The following PRKDC variants were observed in gnomAD, a reference collection of about 807,000 sequenced individuals.
The protein encoded by PRKDC is protein kinase, DNA-activated, catalytic subunit.
PRKDC carries 82 observed loss-of-function variants against 486.9 expected under a neutral mutation model. The observed-to-expected ratio is 0.17, with a 90% CI of 0.14 to 0.20. The LOEUF (loss-of-function observed/expected upper bound fraction) is 0.20. Among genes scored for constraint, PRKDC ranks in the 10% least tolerant of loss-of-function variants. The pLI is 1.00. For synonymous variants in PRKDC, 1,895 were observed against 1,837.0 expected, an observed-to-expected ratio of 1.03 and a Z score of -0.81; for missense variants, 4,504 against 5,038.2, an observed-to-expected ratio of 0.89 and a Z score of 3.21.
chr8:47,939,533 T>G lies in PRKDC; in HGVS notation c.1113+18A>C, dbSNP rs764838496. ...CACGTGAAACCAAGACAAAATAGAG[T>G]AAGTTAATGAGACATACTCCTGCAA... On this transcript the variant is annotated intron_variant, in intron 11 of 85. Coordinates refer to ENST00000314191, the MANE Select transcript of PRKDC (RefSeq NM_006904.7). 3.7e-6 allele frequency: 6 copies of G among 1,601,012 alleles called. No homozygotes were observed. The highest frequency in any genetic ancestry group is 1.8e-5 in the Admixed American group (1 of 57,046).
chr8:47,888,413 T>C, intron 34 of PRKDC, 105 bp downstream of exon 34: 1 of 983,754 alleles, frequency 1.0e-6, no homozygotes, highest in Non-Finnish European at 1.4e-6. Flanking sequence ...AATTCCCATT[T>C]CAGCATGCTC....
intron 53 of PRKDC, 32 bp downstream of exon 53, chr8:47,849,347 C>G: frequency 6.2e-7 from 1 of 1,613,866 alleles, no homozygotes. Context: ...GAGGACCCTC[C>G]TGCCCCGAAA....
intron 40 of PRKDC, among the ~76,000 whole-genome samples, chr8:47,873,307 C>G (rs943198155): frequency 6.7e-6 from 1 of 150,178 alleles, no homozygotes; most frequent in African/African-American, 2.5e-5. Context: ...GAGGCCAAAG[C>G]GGGTGGATCA....
intron 40 of PRKDC, among the ~76,000 whole-genome samples, chr8:47,874,825 C>A (rs1046606701): frequency 6.6e-6 from 1 of 152,252 alleles, no homozygotes; most frequent in Admixed American, 6.5e-5. Flanking sequence ...AAGGCCGAGG[C>A]AGGCAGATCG....
intron 70 of PRKDC, among the ~76,000 whole-genome samples, chr8:47,801,702 G>T (rs900135306): frequency 1.7e-4 from 26 of 152,134 alleles, no homozygotes; most frequent in Admixed American, 8.5e-4. Context: ...GAAGCAACAG[G>T]CACTGCTACA....
intron 7 of PRKDC, among the ~76,000 whole-genome samples, chr8:47,948,340 C>T (rs939266031): frequency 6.6e-6 from 1 of 151,580 alleles, no homozygotes; most frequent in Non-Finnish European, 1.5e-5. Flanking sequence ...GATCTCTTGA[C>T]CTTGTGATCT....
intron 54 of PRKDC, among the ~76,000 whole-genome samples, chr8:47,840,413 A>G (rs962122410): frequency 2.6e-5 from 4 of 152,242 alleles, no homozygotes; most frequent in African/African-American, 9.6e-5. Flanking sequence ...TAGAAAAAGG[A>G]TATTAGAAGG....
chr8:47,839,741 C>G (rs940868183), intron 55 of PRKDC, among the ~76,000 whole-genome samples: 1 of 152,244 alleles, frequency 6.6e-6, no homozygotes, highest in South Asian at 2.1e-4. Context: ...TTCCAGATTG[C>G]TAAGGGGACC....
intron 25 of PRKDC, among the ~76,000 whole-genome samples, chr8:47,909,890 A>C (rs1209444638): frequency 6.6e-6 from 1 of 152,146 alleles, no homozygotes; most frequent in Non-Finnish European, 1.5e-5. Flanking sequence ...TTTCCTGTTA[A>C]GATGTTTATC....
chr8:47,927,120 T>C (rs1421475895), intron 21 of PRKDC, 74 bp downstream of exon 21: 7 of 1,391,460 alleles, frequency 5.0e-6, no homozygotes, highest in African/African-American at 1.5e-5. Flanking sequence ...GTTACAAAAA[T>C]ACAGTCCTAC....
In PRKDC at chr8:47,830,673, G is replaced by T; in HGVS notation, c.8329C>A (p.His2777Asn). Residue 2777 changes from histidine (H) to asparagine (N), a missense_variant, in exon 61 of 86, where the codon CAC becomes AAC. By Grantham distance (68) the His-to-Asn change is moderately conservative (BLOSUM62 1). This residue lies in a region of PRKDC where 1,592 missense variants were observed against 1,724.6 expected (regional missense o/e 0.92). Transcript: ENST00000314191. Reference sequence around the variant, plus strand: ...ATCTGAATGTCAGGAAGGTCTCCGTGCCGGTAGCTTCTGTACAGAACGACC... The same window carrying T: ...ATCTGAATGTCAGGAAGGTCTCCGTTCCGGTAGCTTCTGTACAGAACGACC... Reference protein sequence around the residue: ...AQVVLYRSYRHGDLPDIQIKH... With the variant: ...AQVVLYRSYRNGDLPDIQIKH... 1 of 1,613,982 alleles carries T rather than the reference G, an allele frequency of 6.2e-7. No homozygotes were observed. Among genetic ancestry groups the T allele is most frequent in the Non-Finnish European group, 8.5e-7 (1 of 1,179,888 alleles).
At chr8:47,863,114 C>T (rs1009878967) in intron 42 of PRKDC, among the ~76,000 whole-genome samples, 2 of 151,950 alleles carry the variant, frequency 1.3e-5, no homozygotes, top group African/African-American at 4.8e-5. Context: ...AATCACAGCA[C>T]TAAAAATATA....
At chr8:47,788,341 T>C (rs1301586873) in intron 76 of PRKDC, among the ~76,000 whole-genome samples, 2 of 152,196 alleles carry the variant, frequency 1.3e-5, no homozygotes, top group East Asian at 3.8e-4. Context: ...CTGACTGCAG[T>C]CTACTTGCTC....
intron 29 of PRKDC, among the ~76,000 whole-genome samples, chr8:47,897,573 C>T (rs1024022709): frequency 1.8e-4 from 28 of 152,170 alleles, no homozygotes; most frequent in African/African-American, 6.8e-4. Flanking sequence ...GTTTCCTTTG[C>T]AATATACCTT....
chr8:47,916,842 C>T (rs1021602627), intron 22 of PRKDC, among the ~76,000 whole-genome samples: 1 of 152,182 alleles, frequency 6.6e-6, no homozygotes, highest in Non-Finnish European at 1.5e-5. Context: ...CAACAGTGTT[C>T]TCCATCATAA....
intron 52 of PRKDC, among the ~76,000 whole-genome samples, chr8:47,852,064 T>A (rs1355698873): frequency 1.3e-5 from 2 of 152,200 alleles, no homozygotes; most frequent in Non-Finnish European, 2.9e-5. Context: ...TGCAGTGTGC[T>A]ATGATTACAC....
At chr8:47,882,690 C>G (rs1447796758) in intron 36 of PRKDC, among the ~76,000 whole-genome samples, 1 of 152,224 alleles carries the variant, frequency 6.6e-6, no homozygotes, top group Non-Finnish European at 1.5e-5. Flanking sequence ...GTCTCACCAC[C>G]ACTCCTGCAA....
intron 11 of PRKDC, 99 bp downstream of exon 11, chr8:47,939,452 T>C (rs1471562238): frequency 2.2e-6 from 3 of 1,342,244 alleles, no homozygotes; most frequent in Non-Finnish European, 3.1e-6. Flanking sequence ...TCTACTGTAT[T>C]GTTACAAGTA....
intron 65 of PRKDC, among the ~76,000 whole-genome samples, chr8:47,821,170 G>A (rs768163119): frequency 2.0e-5 from 3 of 152,106 alleles, no homozygotes; most frequent in Non-Finnish European, 2.9e-5. Context: ...TACAAAAAAT[G>A]GGAACTACTT....
Sources: gnomAD v4.1 joint callset for allele counts (sites outside exome capture counted in the v4.1 genomes callset) on GRCh38, gnomAD v4.1.1 for gene constraint, gnomAD v4.1.1 regional missense constraint, MANE v1.5 for transcripts, NCBI Gene and HGNC (gene_info 2026-07-23, HGNC 2026-07-21) for gene names.